SLC39A11: variants seen among roughly 807,000 people sequenced by gnomAD.
SLC39A11 encodes zinc transporter ZIP11.
Under a neutral mutation model 36.1 loss-of-function variants are expected in SLC39A11, and 33 were observed. The observed-to-expected ratio is 0.91, with a 90% CI of 0.69 to 1.22. SLC39A11 has a LOEUF of 1.22. Among genes scored for constraint, SLC39A11 ranks in the 50% most tolerant of loss-of-function variants. SLC39A11 has a pLI of 0.00. For missense variants in SLC39A11, 432 were observed against 430.3 expected (o/e 1.00, Z -0.03); for synonymous variants, 166 against 170.3 (o/e 0.97, Z 0.20).
chr17:72,792,515 G>C (rs2076745034), intron 6 of SLC39A11, among the ~76,000 whole-genome samples: 1 of 152,210 alleles, frequency 6.6e-6, no homozygotes, highest in African/African-American at 2.4e-5. Flanking sequence ...TGTCAAGGAA[G>C]CACATGAAAT....
At chr17:72,920,283 G>C (rs1460784639) in intron 5 of SLC39A11, among the ~76,000 whole-genome samples, 1 of 151,926 alleles carries the variant, frequency 6.6e-6, no homozygotes, top group East Asian at 2.0e-4. Context: ...CAGCACAAAA[G>C]CCAGGATCTT....
intron 4 of SLC39A11, among the ~76,000 whole-genome samples, chr17:73,022,595 TAAAAAAA>T (rs10675859): frequency 1.8e-5 from 1 of 56,776 alleles, no homozygotes; most frequent in South Asian, 1.1e-3. Context: ...AACTCCATCT[TAAAAAAA>T]AAAAAAAAAA....
intron 6 of SLC39A11, among the ~76,000 whole-genome samples, chr17:72,825,566 A>AG (rs1349133286): frequency 6.6e-6 from 1 of 152,214 alleles, no homozygotes; most frequent in East Asian, 1.9e-4. Context: ...CCAGAATGGT[A>AG]GATCCACTGA....
chr17:72,756,369 C>CT (rs1161371906), intron 6 of SLC39A11, among the ~76,000 whole-genome samples: 5 of 152,214 alleles, frequency 3.3e-5, no homozygotes, highest in Admixed American at 3.3e-4. Context: ...CAGCTCAAAC[C>CT]TGGAAGCAAC....
In SLC39A11 at chr17:72,646,751, A is replaced by T. The variant is rs1229107782; in HGVS notation, c.*833T>A. On this transcript the variant is annotated 3_prime_UTR_variant, in exon 10 of 10. Coordinates refer to ENST00000255559, the MANE Select transcript of SLC39A11 (RefSeq NM_139177.4). ...TGGTGTCTCCAAGTCTCTTAGAAACATGATGGCTATAAACTTATCAAAATA... is the reference window on the plus strand; with the variant it reads ...TGGTGTCTCCAAGTCTCTTAGAAACTTGATGGCTATAAACTTATCAAAATA... 1 of 152,620 alleles carries T rather than the reference A, an allele frequency of 6.6e-6. No individual in the cohort carries two copies. The highest frequency in any genetic ancestry group is 1.5e-5 in the Non-Finnish European group (1 of 68,040). 9.5% of individuals were successfully genotyped at this position (152,620 alleles called of 1,614,324 possible). A position where few individuals can be genotyped will look rare whatever the true frequency, so the allele number is the denominator to read the frequency against.
intron 3 of SLC39A11, among the ~76,000 whole-genome samples, chr17:73,054,401 G>A (rs1408878606): frequency 6.6e-6 from 1 of 151,236 alleles, no homozygotes; most frequent in Non-Finnish European, 1.5e-5. Flanking sequence ...TAATGCACAC[G>A]CCACATTTAT....
intron 7 of SLC39A11, among the ~76,000 whole-genome samples, chr17:72,699,170 C>T (rs2072484507): frequency 6.6e-6 from 1 of 152,112 alleles, no homozygotes; most frequent in Admixed American, 6.6e-5. Context: ...CACTCTAGAC[C>T]ATGGGTGTCC....
At chr17:72,863,099 T>C (rs1401131859) in intron 5 of SLC39A11, among the ~76,000 whole-genome samples, 3 of 152,082 alleles carry the variant, frequency 2.0e-5, no homozygotes, top group African/African-American at 7.2e-5. Flanking sequence ...AGGAGGAAGA[T>C]AGATCTAGGG....
At chr17:72,795,212 C>T (rs2076857143) in intron 6 of SLC39A11, among the ~76,000 whole-genome samples, 1 of 152,004 alleles carries the variant, frequency 6.6e-6, no homozygotes, top group Admixed American at 6.6e-5. Context: ...GCTGGATGGC[C>T]CTGGCTCGGG....
chr17:73,071,311 C>T (rs1056393893), intron 3 of SLC39A11, among the ~76,000 whole-genome samples: 2 of 152,206 alleles, frequency 1.3e-5, no homozygotes, highest in African/African-American at 4.8e-5. Context: ...TGTCTTGAAA[C>T]CTGTTTCCTT....
intron 5 of SLC39A11, among the ~76,000 whole-genome samples, chr17:72,883,153 T>C (rs117592439): frequency 6.6e-6 from 1 of 152,290 alleles, no homozygotes; most frequent in East Asian, 1.9e-4. Flanking sequence ...CCTGCATCCT[T>C]AAGGCATACT....
intron 5 of SLC39A11, among the ~76,000 whole-genome samples, chr17:72,935,240 ACGC>A (rs2084671530): frequency 1.3e-5 from 2 of 152,238 alleles, no homozygotes; most frequent in Non-Finnish European, 2.9e-5. Context: ...GAAATGCATG[ACGC>A]CAAGTAGAAA....
chr17:72,782,224 G>A lies in SLC39A11; in HGVS notation c.602-45505C>T, dbSNP rs556914513. Among the ~76,000 whole-genome samples the A allele has an allele frequency of 3.3e-5, 5 of 152,274 alleles. No individual in the cohort carries two copies. In the South Asian group the frequency reaches 1.0e-3, roughly 32 times the overall value. On this transcript the variant is annotated intron_variant, in intron 6 of 9. Coordinates refer to ENST00000255559, the MANE Select transcript of SLC39A11 (RefSeq NM_139177.4). ...GCAGAGACTGGAGTGATGCAGCTAT[G>A]AGCCAAGAACACCAAGACTTGCTGC... is the stretch of plus-strand genomic sequence containing the variant.
chr17:72,890,597 G>A (rs570438352), intron 5 of SLC39A11, among the ~76,000 whole-genome samples: 1 of 152,314 alleles, frequency 6.6e-6, no homozygotes, highest in Non-Finnish European at 1.5e-5. Flanking sequence ...ATCAGGTAAT[G>A]TATTCTATTT....
At chr17:73,020,714 C>T (rs971817856) in intron 4 of SLC39A11, among the ~76,000 whole-genome samples, 4 of 109,040 alleles carry the variant, frequency 3.7e-5, no homozygotes, top group South Asian at 3.3e-4. Flanking sequence ...GACGGAGTCT[C>T]ACTCTATCAC....
At chr17:73,033,922 C>T (rs911469666) in intron 3 of SLC39A11, among the ~76,000 whole-genome samples, 5 of 152,172 alleles carry the variant, frequency 3.3e-5, no homozygotes, top group African/African-American at 1.2e-4. Flanking sequence ...CCAAATTCTC[C>T]CAGCAAAAGT....
At chr17:72,940,833 G>C (rs192144030) in intron 5 of SLC39A11, among the ~76,000 whole-genome samples, 1 of 152,298 alleles carries the variant, frequency 6.6e-6, no homozygotes, top group African/African-American at 2.4e-5. Context: ...CCTGAATCAC[G>C]TCCCCCGCTT....
Position 72,647,653 on chromosome 17 carries a change from C to T in SLC39A11, c.939G>A (p.Gly313=), listed in dbSNP as rs754384289. ...IIPEAQISGN[G]KLASWASILG... ...GGATGGAGGCCCAGGATGCCAGTTTCCCATTACCACTGGAAGAGAAGGACA... is the reference window on the plus strand; with the variant it reads ...GGATGGAGGCCCAGGATGCCAGTTTTCCATTACCACTGGAAGAGAAGGACA... The change falls in exon 10 of 10, where the codon GGG becomes GGA. Residue 313 remains glycine, a synonymous_variant. Coordinates refer to ENST00000255559, the MANE Select transcript of SLC39A11 (RefSeq NM_139177.4). The T allele has an allele frequency of 1.9e-5, 31 of 1,613,686 alleles. No homozygotes were observed. In the Admixed American group the frequency reaches 3.2e-4, roughly 16 times the overall value.
At chr17:72,974,302 G>A (rs938844190) in intron 4 of SLC39A11, among the ~76,000 whole-genome samples, 9 of 151,916 alleles carry the variant, frequency 5.9e-5, no homozygotes, top group African/African-American at 9.7e-5. Flanking sequence ...GTTTTGCCAC[G>A]TTGGCCAGGC....
Sources: gnomAD v4.1 joint callset for allele counts (sites outside exome capture counted in the v4.1 genomes callset) on GRCh38, gnomAD v4.1.1 for gene constraint, MANE v1.5 for transcripts, NCBI Gene and HGNC (gene_info 2026-07-23, HGNC 2026-07-21) for gene names.